The following PAEP variants were observed in gnomAD, a reference collection of about 807,000 sequenced individuals.
The protein encoded by PAEP is progestagen associated endometrial protein.
PAEP carries 28 observed loss-of-function variants against 23.0 expected under a neutral mutation model. The ratio of observed to expected loss-of-function variants is 1.22; its 90% CI spans 0.90 to 1.67. PAEP has a LOEUF of 1.67. Among genes scored for constraint, PAEP ranks in the 40% most tolerant of loss-of-function variants. The pLI is 0.00. For missense variants in PAEP, 209 were observed against 226.4 expected, an observed-to-expected ratio of 0.92 and a Z score of 0.49; for synonymous variants, 103 against 92.4, an observed-to-expected ratio of 1.12 and a Z score of -0.66.
chr9:135,565,943 T>A (rs1189005459), intron 6 of PAEP, 142 bp downstream of exon 6: 1 of 921,052 alleles, frequency 1.1e-6, no homozygotes, highest in East Asian at 2.4e-5. Flanking sequence ...GGTCTGGTCT[T>A]GTGATTCCAG....
rs530095047 is a variant in PAEP at position 135,564,113 on chromosome 9, G to A, written c.311-131G>A. 16 of 1,393,622 alleles carry A rather than the reference G, an allele frequency of 1.1e-5. No homozygotes were observed. In the East Asian group the frequency reaches 3.1e-4, roughly 27 times the overall value. 86.3% of individuals were successfully genotyped at this position (1,393,622 alleles called of 1,614,324 possible). On this transcript the variant is annotated intron_variant, in intron 3 of 6. Transcript: ENST00000479141. ...CTGGCTTCCCTGATCATGGTCCACA[G>A]CAGGGGCCACGTCCCATGGTGTCAG...
Position 135,562,800 on chromosome 9 carries a change from C to T in PAEP, c.237-20C>T. Reference sequence around the variant, plus strand: ...ACTCCAATTCAAGTGGCCACTCATCCTATTGTCACCACCTTTCAGGGAGAA... The same window carrying T: ...ACTCCAATTCAAGTGGCCACTCATCTTATTGTCACCACCTTTCAGGGAGAA... On this transcript the variant is annotated intron_variant, in intron 2 of 6. Coordinates refer to ENST00000479141, the MANE Select transcript of PAEP (RefSeq NM_002571.4). 6.2e-7 allele frequency: 1 copy of T among 1,603,498 alleles called. No homozygotes were observed. The highest frequency in any genetic ancestry group is 8.5e-7 in the Non-Finnish European group (1 of 1,171,184).
At position 135,562,367 on chromosome 9, in the gene PAEP, T is replaced by C; in HGVS notation, c.170T>C (p.Leu57Pro). ...ISLMATLKAP[L>P]RVHITSLLPT... ...CTCATGGCGACACTGAAGGCCCCTC[T>C]GAGGGTCCACATCACCTCACTGTTG... The change falls in exon 2 of 7, where the codon CTG becomes CCG. Residue 57 changes from leucine to proline, a missense_variant. Leu to Pro is a moderately conservative substitution (Grantham distance 98, BLOSUM62 -3). Transcript: ENST00000479141. 1 of 1,614,144 alleles carries C rather than the reference T, an allele frequency of 6.2e-7. No individual in the cohort carries two copies. The highest frequency in any genetic ancestry group is 8.5e-7 in the Non-Finnish European group (1 of 1,180,002).
chr9:135,564,151 C>G (rs1832464794), intron 3 of PAEP, 93 bp from the exon 4 acceptor site: 2 of 1,505,096 alleles, frequency 1.3e-6, no homozygotes, highest in African/African-American at 2.8e-5. Flanking sequence ...GATGAGGAAG[C>G]CACTTAGTGT....
At chr9:135,566,177 T>C (rs962610937) in intron 6 of PAEP, 5 of 213,408 alleles carry the variant, frequency 2.3e-5, no homozygotes, top group Non-Finnish European at 4.7e-5. Flanking sequence ...TCTTTTTTTT[T>C]TTTCTTTTTT....
At chr9:135,564,150 G>A (rs910729084) in intron 3 of PAEP, 94 bp from the exon 4 acceptor site, 1 of 1,503,378 alleles carries the variant, frequency 6.7e-7, no homozygotes, top group Non-Finnish European at 8.9e-7. Flanking sequence ...GGATGAGGAA[G>A]CCACTTAGTG....
At chr9:135,565,882 G>C (rs1832558188) in intron 6 of PAEP, 81 bp downstream of exon 6, 5 of 1,454,182 alleles carry the variant, frequency 3.4e-6, no homozygotes, top group Middle Eastern at 1.7e-4. Context: ...GGGCCCCTGG[G>C]ACAGACCCTA....
intron 3 of PAEP, among the ~76,000 whole-genome samples, chr9:135,563,827 G>A (rs926580164): frequency 6.6e-6 from 1 of 152,106 alleles, no homozygotes; most frequent in African/African-American, 2.4e-5. Context: ...CTTGGGACTT[G>A]CCTCAGGCCT....
At position 135,561,822 on chromosome 9, in the gene PAEP, C is replaced by A. The variant is rs749842243; in HGVS notation, c.21C>A (p.Thr7=). 1.9e-5 allele frequency: 29 copies of A among 1,556,196 alleles called. No individual in the cohort carries two copies. Among genetic ancestry groups the A allele is most frequent in the Non-Finnish European group, 2.3e-5 (26 of 1,149,294 alleles). Residue 7 remains threonine, a synonymous_variant, in exon 1 of 7, where the codon ACC becomes ACA. Coordinates refer to ENST00000479141, the MANE Select transcript of PAEP (RefSeq NM_002571.4). ...CAGCCATGCTGTGCCTCCTGCTCAC[C>A]CTGGGCGTGGCCCTGGTCTGTGGTG... MLCLLL[T]LGVALVCGVP...
intron 4 of PAEP, chr9:135,564,652 C>T (rs935756809): frequency 1.4e-5 from 7 of 513,146 alleles, no homozygotes; most frequent in South Asian, 8.4e-5. Flanking sequence ...TACAGGCGCA[C>T]GCCACCATGC....
At chr9:135,565,647 C>T in intron 5 of PAEP, 133 bp downstream of exon 5, 1 of 1,353,078 alleles carries the variant, frequency 7.4e-7, no homozygotes, top group East Asian at 2.3e-5. Context: ...CCCTGGCCTT[C>T]TGGGGTGCAG....
In PAEP at chr9:135,561,829, G is replaced by A. The variant is rs140018848; in HGVS notation, c.28G>A (p.Val10Met). 274 of 1,558,750 alleles carry A rather than the reference G, an allele frequency of 1.8e-4. No individual in the cohort carries two copies. The highest frequency in any genetic ancestry group is 1.9e-4 in the Non-Finnish European group (219 of 1,150,696). Reference protein sequence around the residue: MLCLLLTLGVALVCGVPAMD... With the variant: MLCLLLTLGMALVCGVPAMD... ...GCTGTGCCTCCTGCTCACCCTGGGC[G>A]TGGCCCTGGTCTGTGGTGTCCCGGC... The change falls in exon 1 of 7, where the codon GTG becomes ATG. Residue 10 changes from valine (V) to methionine (M), a missense_variant. Physicochemically the swap from Val to Met is conservative, Grantham distance 21. Transcript: ENST00000479141.
rs1382191742 is a variant in PAEP at position 135,564,303 on chromosome 9, T to C, written c.370T>C (p.Cys124Arg). 6 of 1,553,086 alleles carry C rather than the reference T, an allele frequency of 3.9e-6. No homozygotes were observed. The South Asian group carries it at 5.9e-5, about 15-fold the overall frequency. The change falls in exon 4 of 7, where the codon TGC becomes CGC. Residue 124 changes from cysteine to arginine, a missense_variant. By Grantham distance (180) the Cys-to-Arg change is radical. Transcript: ENST00000479141. ...DTDYDNFLFL[C>R]LQDTTTPIQS... is the part of the protein sequence containing the mutation. ...TGACTACGACAATTTCCTGTTTCTC[T>C]GCCTACAGGACACCACCACCCCCAT...
In PAEP at chr9:135,566,708, G is replaced by T. The variant is rs71508803; in HGVS notation, c.*156G>T. ...CCTTCCTGCTGCACACCTGCACCAC[G>T]GCCATGGGGAGGCTGCTCCCTGGGG... On this transcript the variant is annotated 3_prime_UTR_variant, in exon 7 of 7. Transcript: ENST00000479141. 6.7e-3 allele frequency: 1,033 copies of T among 155,024 alleles called. 8 individuals are homozygous for T. The highest frequency in any genetic ancestry group is 0.01 in the Non-Finnish European group (715 of 68,272). 9.6% of individuals were successfully genotyped at this position (155,024 alleles called of 1,614,324 possible).
At position 135,562,849 on chromosome 9, in the gene PAEP, T is replaced by A; in HGVS notation, c.266T>A (p.Val89Asp). ...WENNSCVEKK[V>D]LGEKTENPKK... is the part of the protein sequence containing the mutation. ...AACAACAGCTGTGTTGAGAAGAAGGTCCTTGGAGAGAAGACTGAGAATCCA... is the reference window on the plus strand; with the variant it reads ...AACAACAGCTGTGTTGAGAAGAAGGACCTTGGAGAGAAGACTGAGAATCCA... Residue 89 changes from valine (V) to aspartate (D), a missense_variant, in exon 3 of 7, where the codon GTC becomes GAC. Transcript: ENST00000479141. The A allele has an allele frequency of 6.2e-7, 1 of 1,613,938 alleles. No homozygotes were observed. The highest frequency in any genetic ancestry group is 2.2e-5 in the East Asian group (1 of 44,866).
intron 4 of PAEP, 27 bp from the exon 5 acceptor site, chr9:135,565,383 C>A (rs373160904): frequency 2.0e-4 from 320 of 1,592,402 alleles, no homozygotes; most frequent in Non-Finnish European, 2.5e-4. Flanking sequence ...CCCCAGGGGC[C>A]CAGGACTGAC....
intron 5 of PAEP, 120 bp downstream of exon 5, chr9:135,565,634 C>T: frequency 1.5e-6 from 2 of 1,339,260 alleles, no homozygotes; most frequent in African/African-American, 1.4e-5. Context: ...CTCCCCTGTT[C>T]TCCCCTGGCC....
rs764500478 is a variant in PAEP at position 135,562,332 on chromosome 9, C to T, written c.135C>T (p.Asn45=). ...GTWHSMAMAT[N]NISLMATLKA... Reference sequence around the variant, plus strand: ...GGCACTCCATGGCCATGGCGACCAACAACATCTCCCTCATGGCGACACTGA... The same window carrying T: ...GGCACTCCATGGCCATGGCGACCAATAACATCTCCCTCATGGCGACACTGA... The change falls in exon 2 of 7, where the codon AAC becomes AAT. Residue 45 remains asparagine, a synonymous_variant. Transcript: ENST00000479141. 8.1e-6 allele frequency: 13 copies of T among 1,614,066 alleles called. No individual in the cohort carries two copies. Among genetic ancestry groups the T allele is most frequent in the Non-Finnish European group, 1.0e-5 (12 of 1,180,008 alleles).
chr9:135,562,328 C>T lies in PAEP; in HGVS notation c.131C>T (p.Thr44Ile). ...ACCTGGCACTCCATGGCCATGGCGA[C>T]CAACAACATCTCCCTCATGGCGACA... ...AGTWHSMAMA[T>I]NNISLMATLK... Residue 44 changes from threonine (T) to isoleucine (I), a missense_variant, in exon 2 of 7, where the codon ACC (threonine) becomes ATC (isoleucine). Physicochemically the swap from Thr to Ile is moderately conservative, Grantham distance 89. Transcript: ENST00000479141. 6.2e-7 allele frequency: 1 copy of T among 1,614,082 alleles called. No homozygotes were observed. The highest frequency in any genetic ancestry group is 8.5e-7 in the Non-Finnish European group (1 of 1,180,008).
Sources: allele counts gnomAD v4.1 joint callset (sites outside exome capture counted in the v4.1 genomes callset), GRCh38; gene constraint gnomAD v4.1.1; transcripts MANE v1.5; gene names NCBI Gene and HGNC (gene_info 2026-07-23, HGNC 2026-07-21).